Variants in PARD3B observed in about 807,000 individuals in gnomAD.
The protein encoded by PARD3B is partitioning defective 3 homolog B.
A neutral mutation model predicts 130.2 loss-of-function variants in PARD3B; 103 were observed. That is an observed-to-expected ratio of 0.79 (90% CI 0.67 to 0.93). The LOEUF (loss-of-function observed/expected upper bound fraction) is 0.93, where lower values mean the gene tolerates loss of function less well. Among genes scored for constraint, PARD3B ranks in the 40% least tolerant of loss-of-function variants. The probability of loss-of-function intolerance (pLI) is 0.00; values close to 1 mark genes in which losing one functional copy is unlikely to be tolerated. For synonymous variants in PARD3B, 583 were observed against 553.2 expected (o/e 1.05, Z -0.76); for missense variants, 1,609 against 1,499.2 (o/e 1.07, Z -1.21).
chr2:205,063,414 A>T (rs546919973), intron 4 of PARD3B, among the ~76,000 whole-genome samples: 3 of 152,108 alleles, frequency 2.0e-5, no homozygotes, highest in Non-Finnish European at 2.9e-5. Flanking sequence ...AAATTAATGA[A>T]CTAGAAATTA....
chr2:204,922,294 A>G (rs2047711565), intron 2 of PARD3B, among the ~76,000 whole-genome samples: 2 of 152,124 alleles, frequency 1.3e-5, no homozygotes, highest in African/African-American at 4.8e-5. Context: ...TAAGGCTAAA[A>G]TGAAGGGAAA....
chr2:205,304,165 C>G (rs755376347), intron 18 of PARD3B, among the ~76,000 whole-genome samples: 1 of 152,146 alleles, frequency 6.6e-6, no homozygotes, highest in Non-Finnish European at 1.5e-5. Context: ...TAGCAGTGAG[C>G]CTTCCCGTTA....
At chr2:205,521,640 C>CACTT (rs771375411) in intron 21 of PARD3B, among the ~76,000 whole-genome samples, 2 of 151,944 alleles carry the variant, frequency 1.3e-5, no homozygotes, top group Admixed American at 1.3e-4. Context: ...AATAAGTCTA[C>CACTT]ACTTACATGC....
In PARD3B at chr2:205,530,533, A is replaced by G. The variant is rs1000567116; in HGVS notation, c.3181-22791A>G. ...CAGAATACAGCGTGCTCTGGTTAGTACAATAGCTAAGGGTTCAGAATCTAT... is the reference window on the plus strand; with the variant it reads ...CAGAATACAGCGTGCTCTGGTTAGTGCAATAGCTAAGGGTTCAGAATCTAT... On this transcript the variant is annotated intron_variant, in intron 21 of 22. Transcript: ENST00000406610. This position sits in a 1 kb window ranked among gnomAD's most constrained non-coding sequence, Gnocchi z 4.7. Among the ~76,000 whole-genome samples the G allele has an allele frequency of 2.0e-5, 3 of 152,170 alleles. No individual in the cohort carries two copies. Among genetic ancestry groups the G allele is most frequent in the African/African-American group, 4.8e-5 (2 of 41,436 alleles).
rs148041728 is a variant in PARD3B at position 205,423,043 on chromosome 2, C to G, written c.2742-17327C>G. On this transcript the variant is annotated intron_variant, in intron 19 of 22. Coordinates refer to ENST00000406610, the MANE Select transcript of PARD3B (RefSeq NM_001302769.2). ...AACTGATGGCCATGGTAGAACCTTT[C>G]TCCTCGACATCCAGTGGAGTAGGAA... 2.1e-4 allele frequency among the ~76,000 whole-genome samples: 32 copies of G among 152,314 alleles called. No individual in the cohort carries two copies. In the East Asian group the frequency reaches 5.0e-3, roughly 24 times the overall value.
chr2:205,545,991 G>A (rs2052362855), intron 21 of PARD3B, among the ~76,000 whole-genome samples: 1 of 152,170 alleles, frequency 6.6e-6, no homozygotes, highest in South Asian at 2.1e-4. Flanking sequence ...TAAGCAGCAA[G>A]CTCTTTGCTT....
intron 6 of PARD3B, among the ~76,000 whole-genome samples, chr2:205,115,279 G>A (rs550886138): frequency 4.0e-4 from 61 of 152,268 alleles, no homozygotes; most frequent in African/African-American, 1.4e-3. Flanking sequence ...AGAAGGAAGA[G>A]TATTGGACGT....
chr2:205,465,098 A>G (rs142783550), intron 20 of PARD3B, among the ~76,000 whole-genome samples: 3 of 152,326 alleles, frequency 2.0e-5, no homozygotes, highest in Non-Finnish European at 2.9e-5. Flanking sequence ...ATGTTGTTTT[A>G]TTACATTTTA....
At chr2:204,654,258 G>A (rs1049681523) in intron 1 of PARD3B, among the ~76,000 whole-genome samples, 2 of 151,228 alleles carry the variant, frequency 1.3e-5, no homozygotes, top group Admixed American at 1.3e-4. Context: ...TCCAGGCTGA[G>A]GGGGGAAACG....
chr2:205,416,943 A>G (rs985453755), intron 19 of PARD3B, among the ~76,000 whole-genome samples: 6 of 151,702 alleles, frequency 4.0e-5, no homozygotes, highest in Admixed American at 6.6e-5. Flanking sequence ...TTTCTTTTTT[A>G]TTTTACTTTA....
intron 2 of PARD3B, among the ~76,000 whole-genome samples, chr2:204,874,122 G>A (rs941664511): frequency 6.6e-6 from 1 of 152,072 alleles, no homozygotes; most frequent in African/African-American, 2.4e-5. Flanking sequence ...CCGCCTGAGC[G>A]ATGATCAAAA....
chr2:204,973,005 T>G (rs1444058740), intron 3 of PARD3B, among the ~76,000 whole-genome samples: 3 of 152,188 alleles, frequency 2.0e-5, no homozygotes, highest in African/African-American at 7.2e-5. Flanking sequence ...ATAAAATGAT[T>G]TGCAGTTTGT....
Position 204,677,274 on chromosome 2 carries a change from G to A in PARD3B, c.121-8907G>A, listed in dbSNP as rs551221539. The stretch of plus-strand genomic sequence containing the variant: ...AAAGACAATGAATACTCCAAGTCTA[G>A]ATTAAAAACAGGTAGCATTGGCCTT... On this transcript the variant is annotated intron_variant, in intron 1 of 22. Transcript: ENST00000406610. This position sits in a 1 kb window ranked among gnomAD's most constrained non-coding sequence, Gnocchi z 4.1. Among the ~76,000 whole-genome samples the A allele has an allele frequency of 1.3e-5, 2 of 152,290 alleles. No individual in the cohort carries two copies. The highest frequency in any genetic ancestry group is 2.9e-5 in the Non-Finnish European group (2 of 68,036).
intron 7 of PARD3B, 108 bp downstream of exon 7, chr2:205,119,154 C>T: frequency 7.3e-7 from 1 of 1,367,376 alleles, no homozygotes; most frequent in Non-Finnish European, 9.7e-7. Context: ...TAGTCAGTTC[C>T]CTTTGAACGA....
intron 19 of PARD3B, among the ~76,000 whole-genome samples, chr2:205,431,358 T>A (rs1374603418): frequency 6.6e-6 from 1 of 152,176 alleles, no homozygotes; most frequent in Non-Finnish European, 1.5e-5. Context: ...ATTACAGGCA[T>A]GAGCCACCAT....
chr2:204,670,419 C>T (rs1487814315), intron 1 of PARD3B, among the ~76,000 whole-genome samples: 1 of 152,172 alleles, frequency 6.6e-6, no homozygotes, highest in Non-Finnish European at 1.5e-5. Flanking sequence ...TGGCCCCCTG[C>T]CGCCCAAACC....
At chr2:204,932,078 A>G (rs1688076349) in intron 2 of PARD3B, among the ~76,000 whole-genome samples, 1 of 152,096 alleles carries the variant, frequency 6.6e-6, no homozygotes, top group South Asian at 2.1e-4. Flanking sequence ...AAGGTAAGCT[A>G]CACATTTGGT....
At chr2:205,428,003 T>C (rs1421838646) in intron 19 of PARD3B, among the ~76,000 whole-genome samples, 1 of 152,150 alleles carries the variant, frequency 6.6e-6, no homozygotes, top group Non-Finnish European at 1.5e-5. Flanking sequence ...ATTCATATGT[T>C]GAAACCTAAT....
intron 2 of PARD3B, among the ~76,000 whole-genome samples, chr2:204,700,667 G>A (rs981234853): frequency 6.6e-6 from 1 of 152,024 alleles, no homozygotes; most frequent in Non-Finnish European, 1.5e-5. Context: ...TTGGGGCAAT[G>A]CCAGTGTCTT....
Sources: gnomAD v4.1 joint callset for allele counts (sites outside exome capture counted in the v4.1 genomes callset) on GRCh38, gnomAD v4.1.1 for gene constraint, Gnocchi (gnomAD v3.1) non-coding constraint, MANE v1.5 for transcripts, NCBI Gene and HGNC (gene_info 2026-07-23, HGNC 2026-07-21) for gene names.